The following RFX7 variants were observed in gnomAD, a reference collection of about 807,000 sequenced individuals.
The protein encoded by RFX7 is DNA-binding protein RFX7.
Under a neutral mutation model 111.8 loss-of-function variants are expected in RFX7, and 26 were observed. The observed-to-expected ratio is 0.23, with a 90% CI of 0.17 to 0.32. The LOEUF (loss-of-function observed/expected upper bound fraction) is 0.32. RFX7 is among the 10% of genes least tolerant of loss of function. The pLI is 1.00. For synonymous variants in RFX7, 624 were observed against 624.4 expected (o/e 1.00, Z 0.01); for missense variants, 1,573 against 1,772.9 (o/e 0.89, Z 2.02).
intron 2 of RFX7, among the ~76,000 whole-genome samples, chr15:56,235,618 T>C (rs763806646): frequency 1.9e-4 from 29 of 152,334 alleles, no homozygotes; most frequent in Non-Finnish European, 3.5e-4. Context: ...TAGCCATTGC[T>C]GTAATGCTTC....
intron 2 of RFX7, among the ~76,000 whole-genome samples, chr15:56,232,998 G>C (rs1302136253): frequency 6.6e-6 from 1 of 152,118 alleles, no homozygotes; most frequent in Non-Finnish European, 1.5e-5. Context: ...TCTCCAAACT[G>C]TTCCAGTCTC....
intron 2 of RFX7, among the ~76,000 whole-genome samples, chr15:56,210,388 C>T (rs2899596): frequency 0.13 from 19,776 of 151,892 alleles, 1,669 homozygotes; most frequent in East Asian, 0.44. Flanking sequence ...TTCAATATCC[C>T]TCTATCTGAA....
At chr15:56,228,246 T>C (rs1231674737) in intron 2 of RFX7, among the ~76,000 whole-genome samples, 1 of 152,126 alleles carries the variant, frequency 6.6e-6, no homozygotes, top group Non-Finnish European at 1.5e-5. Context: ...TGTCATTAAT[T>C]CTGGGAAATC....
At chr15:56,165,358 T>G (rs1171485231) in intron 3 of RFX7, among the ~76,000 whole-genome samples, 3 of 152,228 alleles carry the variant, frequency 2.0e-5, no homozygotes, top group Non-Finnish European at 4.4e-5. Flanking sequence ...ACTTCTCCCC[T>G]GGAAGGAACC....
At chr15:56,225,854 CTAAT>C (rs2043477443) in intron 2 of RFX7, among the ~76,000 whole-genome samples, 1 of 152,196 alleles carries the variant, frequency 6.6e-6, no homozygotes, top group Admixed American at 6.5e-5. Context: ...CTTAGACAAC[CTAAT>C]TAAACTTTGA....
intron 2 of RFX7, among the ~76,000 whole-genome samples, chr15:56,190,715 T>A (rs1387992236): frequency 1.3e-5 from 2 of 152,186 alleles, no homozygotes; most frequent in South Asian, 2.1e-4. Context: ...AGAAGCACCA[T>A]CTACACATGA....
intron 2 of RFX7, among the ~76,000 whole-genome samples, chr15:56,187,330 C>G (rs1388505057): frequency 1.3e-5 from 2 of 151,946 alleles, no homozygotes; most frequent in Non-Finnish European, 2.9e-5. Context: ...CCTGCCTCGG[C>G]CTCCTGAGTA....
intron 5 of RFX7, among the ~76,000 whole-genome samples, chr15:56,135,608 T>C (rs2042289371): frequency 6.6e-6 from 1 of 152,040 alleles, no homozygotes; most frequent in South Asian, 2.1e-4. Flanking sequence ...GTGCAGAAGC[T>C]CTTTAGTTTA....
chr15:56,093,575 T>C lies in RFX7; in HGVS notation c.4153A>G (p.Arg1385Gly). The change falls in exon 10 of 10, where the codon AGG (arginine) becomes GGG (glycine). Residue 1385 changes from arginine (R) to glycine (G), a missense_variant. Arg to Gly is a moderately radical substitution (Grantham distance 125, BLOSUM62 -2). Transcript: ENST00000559447. ...NTASDFSSDIRLSSELSGSIN... is the reference protein window; with the variant it reads ...NTASDFSSDIGLSSELSGSIN... ...CTGCCTGAGAGCTCAGAAGACAACC[T>C]GATATCGCTAGAGAAATCAGATGCA... 1.2e-6 allele frequency: 2 copies of C among 1,613,698 alleles called. No homozygotes were observed. The highest frequency in any genetic ancestry group is 4.5e-5 in the East Asian group (2 of 44,866).
At chr15:56,234,857 A>G (rs1318686795) in intron 2 of RFX7, among the ~76,000 whole-genome samples, 1 of 152,244 alleles carries the variant, frequency 6.6e-6, no homozygotes, top group Admixed American at 6.5e-5. Context: ...AGAGTGTTTC[A>G]TTTAAATTCA....
intron 2 of RFX7, among the ~76,000 whole-genome samples, chr15:56,221,481 C>T (rs1024318523): frequency 3.9e-5 from 6 of 152,056 alleles, no homozygotes; most frequent in Non-Finnish European, 8.8e-5. Context: ...CTCTTGTAGA[C>T]AGTATATAGT....
chr15:56,147,523 A>G (rs2042495485), intron 3 of RFX7, among the ~76,000 whole-genome samples: 1 of 152,236 alleles, frequency 6.6e-6, no homozygotes, highest in African/African-American at 2.4e-5. Flanking sequence ...AATGTACTAA[A>G]TATCACTAAT....
intron 3 of RFX7, among the ~76,000 whole-genome samples, chr15:56,168,862 G>A (rs1003883066): frequency 1.3e-5 from 2 of 152,178 alleles, no homozygotes; most frequent in African/African-American, 4.8e-5. Context: ...CATCAGTGAT[G>A]TGACACAACA....
chr15:56,221,850 C>T (rs1657342667), intron 2 of RFX7, among the ~76,000 whole-genome samples: 1 of 152,184 alleles, frequency 6.6e-6, no homozygotes, highest in Admixed American at 6.5e-5. Flanking sequence ...TTTACTTCTA[C>T]ATGATATAAA....
At chr15:56,098,416 C>A (rs1314789751) in intron 8 of RFX7, 40 bp from the exon 9 acceptor site, 1 of 1,526,498 alleles carries the variant, frequency 6.6e-7, no homozygotes, top group East Asian at 2.4e-5. Context: ...TAAATACTCT[C>A]CTTTATAGAA....
At chr15:56,198,287 G>GA (rs147575832) in intron 2 of RFX7, among the ~76,000 whole-genome samples, 5,462 of 151,442 alleles carry the variant, frequency 0.036, 371 homozygotes, top group African/African-American at 0.12. Context: ...GTATAAAAAA[G>GA]AAAAAAAAGA....
chr15:56,244,377 T>G (rs1030080814), upstream of RFX7: 25 of 152,026 alleles, frequency 1.6e-4, no homozygotes, highest in African/African-American at 5.8e-4. Flanking sequence ...AAATCGCGAG[T>G]CAGGAGCTGG....
chr15:56,124,305 C>A (rs2042114592), intron 5 of RFX7, among the ~76,000 whole-genome samples: 1 of 151,960 alleles, frequency 6.6e-6, no homozygotes, highest in Non-Finnish European at 1.5e-5. Flanking sequence ...ACCTGTAGTC[C>A]CAGCTACTAG....
chr15:56,217,470 T>C lies in RFX7; in HGVS notation c.161+25655A>G, dbSNP rs558998653. ...CCCTTTCTGAAGAGCCCAGGACAGT[T>C]GTCTTGAGAATGTCACATACTCTGA... On this transcript the variant is annotated intron_variant, in intron 2 of 9. Coordinates refer to ENST00000559447, the MANE Select transcript of RFX7 (RefSeq NM_022841.7). 3.9e-5 allele frequency among the ~76,000 whole-genome samples: 6 copies of C among 152,124 alleles called. No homozygotes were observed. The East Asian group carries it at 9.6e-4, about 24-fold the overall frequency.
Sources: gnomAD v4.1 joint callset for allele counts (sites outside exome capture counted in the v4.1 genomes callset) on GRCh38, gnomAD v4.1.1 for gene constraint, MANE v1.5 for transcripts, NCBI Gene and HGNC (gene_info 2026-07-23, HGNC 2026-07-21) for gene names.